The following PLCB1 variants were observed in gnomAD, a reference collection of about 807,000 sequenced individuals.
PLCB1 encodes phospholipase C beta 1.
PLCB1 carries 46 observed loss-of-function variants against 161.8 expected under a neutral mutation model. The ratio of observed to expected loss-of-function variants is 0.28; its 90% CI spans 0.22 to 0.36. The LOEUF (loss-of-function observed/expected upper bound fraction) is 0.36. Among genes scored for constraint, PLCB1 ranks in the 10% least tolerant of loss-of-function variants. The pLI is 1.00. For missense variants in PLCB1, 1,016 were observed against 1,472.5 expected (o/e 0.69, Z 5.07); for synonymous variants, 517 against 503.7 (o/e 1.03, Z -0.35).
intron 9 of PLCB1, among the ~76,000 whole-genome samples, chr20:8,681,084 G>GTGTGTGTA (rs1555782771): frequency 4.5e-4 from 18 of 39,782 alleles, no homozygotes; most frequent in African/African-American, 1.8e-3. Context: ...ATATGTGTGT[G>GTGTGTGTA]TGTATATATA....
At chr20:8,687,240 G>A (rs1201848312) in intron 10 of PLCB1, among the ~76,000 whole-genome samples, 2 of 152,078 alleles carry the variant, frequency 1.3e-5, no homozygotes, top group African/African-American at 4.8e-5. Flanking sequence ...GCCCAGGCTG[G>A]ACTCAGACTC....
intron 3 of PLCB1, among the ~76,000 whole-genome samples, chr20:8,602,628 C>T (rs1234653107): frequency 6.6e-6 from 1 of 152,140 alleles, no homozygotes; most frequent in Non-Finnish European, 1.5e-5. Context: ...AGAGTGAGTG[C>T]TTAAAAGTGT....
intron 31 of PLCB1, among the ~76,000 whole-genome samples, chr20:8,807,671 AAGTTGATTATAGTAT>A (rs1215924761): frequency 6.6e-6 from 1 of 151,656 alleles, no homozygotes; most frequent in Non-Finnish European, 1.5e-5. Flanking sequence ...TCCCCCCTTC[AAGTTGATTATAGTAT>A]AGTGCTATCC....
intron 2 of PLCB1, among the ~76,000 whole-genome samples, chr20:8,206,724 A>G (rs1366750723): frequency 7.9e-5 from 12 of 152,106 alleles, no homozygotes; most frequent in Admixed American, 7.9e-4. Context: ...CCAAGAAAAT[A>G]TTTCAAAAAA....
chr20:8,708,513 C>A (rs148545469), intron 11 of PLCB1, among the ~76,000 whole-genome samples, 157 bp from the exon 12 acceptor site: 6 of 152,098 alleles, frequency 3.9e-5, no homozygotes, highest in African/African-American at 1.4e-4. Flanking sequence ...GAATTAGCAC[C>A]GTCCAGCAGC....
chr20:8,646,161 G>T lies in PLCB1; in HGVS notation c.444G>T (p.Arg148Ser), dbSNP rs1283251379. The change falls in exon 5 of 32, where the codon AGG (arginine) becomes AGT (serine). Residue 148 changes from arginine to serine, a missense_variant. Transcript: ENST00000338037. ...ACCTGCTGGCCCAAAACATGTCCAG[G>T]GATGCATTTCTGGAAAAAGCGTAAG... ...ATNLLAQNMS[R>S]DAFLEKAYTK... The T allele has an allele frequency of 6.2e-7, 1 of 1,611,934 alleles. No homozygotes were observed. Among genetic ancestry groups the T allele is most frequent in the Non-Finnish European group, 8.5e-7 (1 of 1,178,032 alleles).
rs11087813 is a variant in PLCB1 at position 8,629,825 on chromosome 20, C to CTTTTCTTTCTTTCT, written c.384+1397_384+1398insTCTTTCTTTCTTTT. Among the ~76,000 whole-genome samples the CTTTTCTTTCTTTCT allele has an allele frequency of 4.2e-5, 3 of 71,848 alleles. No homozygotes were observed. In the East Asian group the frequency reaches 1.2e-3, roughly 28 times the overall value. 47.1% of individuals were successfully genotyped at this position (71,848 alleles called of 152,430 possible). Reference sequence around the variant, plus strand: ...TTTCTTTCTTTTCTTTCTTTTCTTTCTTTCTTTCTTTCTTTCTTTCTTTCT... The same window carrying CTTTTCTTTCTTTCT: ...TTTCTTTCTTTTCTTTCTTTTCTTTCTTTTCTTTCTTTCTTTTCTTTCTTTCTTTCTTTCTTTCT... On this transcript the variant is annotated intron_variant, in intron 4 of 31. Transcript: ENST00000338037.
intron 2 of PLCB1, among the ~76,000 whole-genome samples, chr20:8,307,530 T>G (rs944618865): frequency 5.9e-5 from 9 of 151,854 alleles, no homozygotes; most frequent in South Asian, 2.1e-4. Context: ...TTGGTGGGGG[T>G]TTTTTTTGTT....
chr20:8,821,931 C>A (rs6056169), intron 31 of PLCB1, among the ~76,000 whole-genome samples: 4,010 of 152,196 alleles, frequency 0.026, 165 homozygotes, highest in African/African-American at 0.092. Context: ...GCCACAATTC[C>A]TCCAGATATC....
intron 22 of PLCB1, among the ~76,000 whole-genome samples, chr20:8,740,736 C>T (rs1980833821): frequency 1.3e-5 from 2 of 152,290 alleles, no homozygotes; most frequent in South Asian, 2.1e-4. Flanking sequence ...CTCATGTTAT[C>T]CATTACAACA....
chr20:8,837,505 A>G (rs774896636), intron 31 of PLCB1, among the ~76,000 whole-genome samples: 3 of 152,194 alleles, frequency 2.0e-5, no homozygotes, highest in Non-Finnish European at 4.4e-5. Context: ...GGCATTTGGA[A>G]AGTGCTGTAA....
intron 3 of PLCB1, among the ~76,000 whole-genome samples, chr20:8,406,419 G>A (rs140754790): frequency 1.4e-3 from 207 of 152,300 alleles, no homozygotes; most frequent in Non-Finnish European, 2.6e-3. Flanking sequence ...TATGGCATAT[G>A]CATTCAGGCA....
chr20:8,516,664 C>CATATATATAT (rs57237224), intron 3 of PLCB1, among the ~76,000 whole-genome samples: 6 of 72,244 alleles, frequency 8.3e-5, no homozygotes, highest in South Asian at 6.3e-4. Flanking sequence ...AATATAACAT[C>CATATATATAT]ATATATATAT....
intron 3 of PLCB1, among the ~76,000 whole-genome samples, chr20:8,464,749 A>T (rs1981739087): frequency 6.6e-6 from 1 of 152,136 alleles, no homozygotes; most frequent in South Asian, 2.1e-4. Context: ...TTGTTTGTGT[A>T]ATGTATAAAA....
At chr20:8,290,816 A>G (rs928316580) in intron 2 of PLCB1, among the ~76,000 whole-genome samples, 9 of 152,178 alleles carry the variant, frequency 5.9e-5, no homozygotes, top group African/African-American at 2.2e-4. Flanking sequence ...ACTGACTTGA[A>G]GACCTTTAAC....
At position 8,132,772 on chromosome 20, in the gene PLCB1, G is replaced by GT. The variant is rs553930059; in HGVS notation, c.99+23dup. The GT allele has an allele frequency of 2.1e-4, 328 of 1,566,718 alleles. No homozygotes were observed. The African/African-American group carries it at 3.9e-3, about 19-fold the overall frequency. ...TGATGTAAGTATTGGGGCGGCCCGA[G>GT]TCGGGGCGCTGGCTCGGGCACCGGG... is the stretch of plus-strand genomic sequence containing the variant. On this transcript the variant is annotated intron_variant, in intron 1 of 31. Coordinates refer to ENST00000338037, the MANE Select transcript of PLCB1 (RefSeq NM_015192.4). This position sits in a 1 kb window ranked among gnomAD's most constrained non-coding sequence, Gnocchi z 5.2.
At chr20:8,488,627 G>A (rs1982825176) in intron 3 of PLCB1, among the ~76,000 whole-genome samples, 1 of 151,934 alleles carries the variant, frequency 6.6e-6, no homozygotes, top group African/African-American at 2.4e-5. Flanking sequence ...CTCTAAACAT[G>A]TTTAATTCAC....
intron 2 of PLCB1, among the ~76,000 whole-genome samples, chr20:8,276,980 C>CTTCT (rs1982599166): frequency 1.0e-5 from 1 of 96,874 alleles, no homozygotes; most frequent in East Asian, 2.9e-4. Context: ...TCTTCTTCTT[C>CTTCT]TTCTTCTTAT....
At chr20:8,509,964 TC>T (rs1983810901) in intron 3 of PLCB1, among the ~76,000 whole-genome samples, 1 of 152,230 alleles carries the variant, frequency 6.6e-6, no homozygotes, top group Non-Finnish European at 1.5e-5. Context: ...TATAATGTTA[TC>T]TTCTTTTCAG....
Sources: gnomAD v4.1 joint callset for allele counts (sites outside exome capture counted in the v4.1 genomes callset) on GRCh38, gnomAD v4.1.1 for gene constraint, Gnocchi (gnomAD v3.1) non-coding constraint, MANE v1.5 for transcripts, NCBI Gene and HGNC (gene_info 2026-07-23, HGNC 2026-07-21) for gene names.